Variants in ICMT observed in about 807,000 individuals in gnomAD.
ICMT encodes the protein isoprenylcysteine carboxyl methyltransferase.
In ICMT, 10 loss-of-function variants were observed where a neutral mutation model predicts 32.2. That is an observed-to-expected ratio of 0.31 (90% confidence interval 0.19 to 0.53). The LOEUF (loss-of-function observed/expected upper bound fraction) is 0.53. Ranked by LOEUF, ICMT falls within the 20% of genes least tolerant of loss-of-function variation. The pLI is 0.96. For synonymous variants in ICMT, 183 were observed against 158.2 expected, an observed-to-expected ratio of 1.16 and a Z score of -1.18; for missense variants, 265 against 356.9, an observed-to-expected ratio of 0.74 and a Z score of 2.07.
chr1:6,227,166 G>A lies in ICMT; in HGVS notation c.673-1904C>T, dbSNP rs1226535337. Among the ~76,000 whole-genome samples, 10 of 152,282 alleles carry A rather than the reference G, an allele frequency of 6.6e-5. 1 individual carries two copies. Among genetic ancestry groups the A allele is most frequent in the Admixed American group, 4.6e-4 (7 of 15,294 alleles). ...TTCCTTTCATACACACACAAGTGCTGGAGCACAATGTAAAAAAAATCTATG... is the reference window on the plus strand; with the variant it reads ...TTCCTTTCATACACACACAAGTGCTAGAGCACAATGTAAAAAAAATCTATG... On this transcript the variant is annotated intron_variant, in intron 4 of 4. Coordinates refer to ENST00000343813, the MANE Select transcript of ICMT (RefSeq NM_012405.4).
chr1:6,232,249 T>C (rs747746758), intron 3 of ICMT, 130 bp from the exon 4 acceptor site: 7 of 626,542 alleles, frequency 1.1e-5, no homozygotes, highest in Non-Finnish European at 1.9e-5. Context: ...CAATCAGCAT[T>C]TGTCATCACA....
At chr1:6,235,546 C>G (rs1005586415) in intron 1 of ICMT, among the ~76,000 whole-genome samples, 171 bp downstream of exon 1, 1 of 152,146 alleles carries the variant, frequency 6.6e-6, no homozygotes, top group Non-Finnish European at 1.5e-5. Flanking sequence ...TCCTCGGGTG[C>G]AGGGCGCCCG....
rs12070839 is a variant in ICMT, at chr1:6,223,002, C to T, written c.*2078G>A. The T allele has an allele frequency of 6.6e-6, 1 of 152,192 alleles. No individual in the cohort carries two copies. The highest frequency in any genetic ancestry group is 1.5e-5 in the Non-Finnish European group (1 of 68,056). 9.4% of individuals were successfully genotyped at this position (152,192 alleles called of 1,614,324 possible). A position where few individuals can be genotyped will look rare whatever the true frequency, so the allele number is the denominator to read the frequency against. On this transcript the variant is annotated 3_prime_UTR_variant, in exon 5 of 5. Transcript: ENST00000343813. The stretch of plus-strand genomic sequence containing the variant: ...GCCAGTTGATGTCCCACCGTGGATC[C>T]TTTACTCCAGAAAAATTGTAATGAT...
rs1427252317 is a variant in ICMT, at chr1:6,235,947, G to C, written c.-36C>G. ...GGCGGACTAGCGGGCGGCGGCGCCG[G>C]CTGTAGCCCGGAGAAACGCGCCGGC... On this transcript the variant is annotated 5_prime_UTR_variant, in exon 1 of 5. Coordinates refer to ENST00000343813, the MANE Select transcript of ICMT (RefSeq NM_012405.4). The C allele has an allele frequency of 9.4e-7, 1 of 1,066,684 alleles. No homozygotes were observed. The highest frequency in any genetic ancestry group is 1.7e-5 in the African/African-American group (1 of 59,430). 66.1% of individuals were successfully genotyped at this position (1,066,684 alleles called of 1,614,324 possible). A position where few individuals can be genotyped will look rare whatever the true frequency, so the allele number is the denominator to read the frequency against.
Position 6,224,761 on chromosome 1 carries a change from C to G in ICMT, c.*319G>C, listed in dbSNP as rs1163935665. The G allele has an allele frequency of 3.6e-6, 1 of 274,874 alleles. No individual in the cohort carries two copies. The highest frequency in any genetic ancestry group is 6.7e-6 in the Non-Finnish European group (1 of 148,298). The allele number at this position is 274,874 out of a possible 1,614,324, so 17.0% of individuals were successfully genotyped here. Reference sequence around the variant, plus strand: ...GCGAGTCCTGGTTATCCTTTACTTACACTCTGGCCTCGGGGGCAGTGGCGT... The same window carrying G: ...GCGAGTCCTGGTTATCCTTTACTTAGACTCTGGCCTCGGGGGCAGTGGCGT... On this transcript the variant is annotated 3_prime_UTR_variant, in exon 5 of 5. Transcript: ENST00000343813.
chr1:6,227,599 T>A (rs1367998780), intron 4 of ICMT, among the ~76,000 whole-genome samples: 1 of 152,344 alleles, frequency 6.6e-6, no homozygotes, highest in Admixed American at 6.5e-5. Context: ...CTCACGCCTG[T>A]AATCCCAGCA....
Position 6,233,582 on chromosome 1 carries a change from G to A in ICMT, c.346C>T (p.Pro116Ser). Residue 116 changes from proline to serine, a missense_variant, in exon 3 of 5, where the codon CCC becomes TCC. Pro to Ser is a moderately conservative substitution (Grantham distance 74, BLOSUM62 -1). This residue lies in a region of ICMT where 166 missense variants were observed against 264.3 expected (regional missense o/e 0.63). Coordinates refer to ENST00000343813, the MANE Select transcript of ICMT (RefSeq NM_012405.4). ...AAGGAATCCAAGGACAGACTTTTGG[G>A]ATTATTGACTGCTGTCACCAAGTAT... ...SEYLVTAVNNPKSLSLDSFLL... is the reference protein window; with the variant it reads ...SEYLVTAVNNSKSLSLDSFLL... 2 of 1,613,996 alleles carry A rather than the reference G, an allele frequency of 1.2e-6. No homozygotes were observed. Among genetic ancestry groups the A allele is most frequent in the Non-Finnish European group, 1.7e-6 (2 of 1,179,852 alleles).
intron 1 of ICMT, among the ~76,000 whole-genome samples, chr1:6,235,294 T>C (rs1668804176): frequency 6.6e-6 from 1 of 152,142 alleles, no homozygotes; most frequent in South Asian, 2.1e-4. Flanking sequence ...TTAGCTGTCA[T>C]TATTATTATT....
At chr1:6,235,194 T>C (rs1002382242) in intron 1 of ICMT, among the ~76,000 whole-genome samples, 26 of 152,178 alleles carry the variant, frequency 1.7e-4, no homozygotes, top group African/African-American at 5.8e-4. Context: ...TGCTTCCCCA[T>C]CTACAGCCAG....
At chr1:6,228,919 C>T (rs1396783703) in intron 4 of ICMT, among the ~76,000 whole-genome samples, 1 of 151,894 alleles carries the variant, frequency 6.6e-6, no homozygotes, top group Non-Finnish European at 1.5e-5. Flanking sequence ...GTAATCCCAG[C>T]TACTCGCGGG....
chr1:6,225,139 A>G lies in ICMT; in HGVS notation c.796T>C (p.Tyr266His), dbSNP rs760484405. 6.2e-7 allele frequency: 1 copy of G among 1,613,898 alleles called. No homozygotes were observed. Among genetic ancestry groups the G allele is most frequent in the Non-Finnish European group, 8.5e-7 (1 of 1,179,968 alleles). The change falls in exon 5 of 5, where the codon TAT (tyrosine) becomes CAT (histidine). Residue 266 changes from tyrosine to histidine, a missense_variant. Tyr to His is a moderately conservative substitution (Grantham distance 83). Transcript: ENST00000343813. ...AGGCCCGTGGGCACCCTCTTCTTAT[A>G]CTCCAGGTACTCCTCTCCAAAAAAG... is the stretch of plus-strand genomic sequence containing the variant. ...IHFFGEEYLE[Y>H]KKRVPTGLPF...
In ICMT at chr1:6,234,871, CGAAGG is replaced by C; in HGVS notation, c.284+10_284+14del. 6.3e-7 allele frequency: 1 copy of C among 1,595,782 alleles called. No homozygotes were observed. The highest frequency in any genetic ancestry group is 1.3e-5 in the African/African-American group (1 of 74,690). On this transcript the variant is annotated intron_variant, in intron 2 of 4. Transcript: ENST00000343813. ...ACCCTCGCCTGAAAACCAGTATTTCCGAAGGAATTCTTACCAGCCAAAGTGACTCC... is the reference window on the plus strand; with the variant it reads ...ACCCTCGCCTGAAAACCAGTATTTCCAATTCTTACCAGCCAAAGTGACTCC...
intron 4 of ICMT, among the ~76,000 whole-genome samples, chr1:6,229,903 T>C (rs1668706859): frequency 6.6e-6 from 1 of 152,138 alleles, no homozygotes; most frequent in Non-Finnish European, 1.5e-5. Context: ...ATTCTTGCTG[T>C]GTCACCCTGG....
At position 6,224,974 on chromosome 1, in the gene ICMT, G is replaced by T; in HGVS notation, c.*106C>A. On this transcript the variant is annotated 3_prime_UTR_variant, in exon 5 of 5. Coordinates refer to ENST00000343813, the MANE Select transcript of ICMT (RefSeq NM_012405.4). Reference sequence around the variant, plus strand: ...GTGACATTCCAGAAGAGTGACTAATGACATAAAACGATTAAGAAAATCCAT... The same window carrying T: ...GTGACATTCCAGAAGAGTGACTAATTACATAAAACGATTAAGAAAATCCAT... 9.9e-7 allele frequency: 1 copy of T among 1,015,030 alleles called. No homozygotes were observed. The highest frequency in any genetic ancestry group is 1.5e-6 in the Non-Finnish European group (1 of 682,234). The allele number at this position is 1,015,030 out of a possible 1,614,324, so 62.9% of individuals were successfully genotyped here.
At chr1:6,232,227 T>C in intron 3 of ICMT, 108 bp from the exon 4 acceptor site, 5 of 749,002 alleles carry the variant, frequency 6.7e-6, no homozygotes, top group South Asian at 1.9e-5. Flanking sequence ...AAACAGAAAA[T>C]GTGCTGCTGG....
intron 4 of ICMT, among the ~76,000 whole-genome samples, chr1:6,231,228 C>G (rs886846521): frequency 2.6e-5 from 4 of 151,958 alleles, no homozygotes; most frequent in African/African-American, 9.7e-5. Flanking sequence ...TTTCTTCAGC[C>G]TGAGACAGAA....
At chr1:6,231,027 CCT>C (rs1668727317) in intron 4 of ICMT, among the ~76,000 whole-genome samples, 1 of 151,826 alleles carries the variant, frequency 6.6e-6, no homozygotes, top group Non-Finnish European at 1.5e-5. Flanking sequence ...CTCGAGAAAC[CCT>C]GTCTCTACAA....
intron 4 of ICMT, among the ~76,000 whole-genome samples, chr1:6,227,723 G>A (rs1668665961): frequency 6.6e-6 from 1 of 152,160 alleles, no homozygotes; most frequent in Non-Finnish European, 1.5e-5. Flanking sequence ...AGGCATGGTG[G>A]CGGGCGCCTG....
At chr1:6,225,699 CAA>C (rs1227489927) in intron 4 of ICMT, among the ~76,000 whole-genome samples, 4 of 152,250 alleles carry the variant, frequency 2.6e-5, no homozygotes, top group African/African-American at 9.6e-5. Flanking sequence ...TACAGTGCCA[CAA>C]AACTCAGCTT....
Sources: allele counts gnomAD v4.1 joint callset (sites outside exome capture counted in the v4.1 genomes callset), GRCh38; gene constraint gnomAD v4.1.1; regional missense constraint gnomAD v4.1.1; transcripts MANE v1.5; gene names NCBI Gene and HGNC (gene_info 2026-07-23, HGNC 2026-07-21).